Variants in ZNF43 observed in about 807,000 individuals in gnomAD.
ZNF43 encodes zinc finger protein 39-like 1 (KOX 27).
Under a neutral mutation model 68.4 loss-of-function variants are expected in ZNF43, and 44 were observed. The ratio of observed to expected loss-of-function variants is 0.64; its 90% CI spans 0.51 to 0.83. The LOEUF is 0.83. Among genes scored for constraint, ZNF43 ranks in the 40% least tolerant of loss-of-function variants. ZNF43 has a pLI of 0.00. For synonymous variants in ZNF43, 308 were observed against 307.8 expected (o/e 1.00, Z -0.01); for missense variants, 896 against 933.2 (o/e 0.96, Z 0.52).
At chr19:21,836,593 T>C (rs1205148612), upstream of ZNF43, among the ~76,000 whole-genome samples, 2 of 151,936 alleles carry the variant, frequency 1.3e-5, no homozygotes, top group Non-Finnish European at 2.9e-5. Flanking sequence ...CTCTGTGGGG[T>C]TTTTCTTATT....
chr19:21,807,994 T>G lies in ZNF43; in HGVS notation c.2043A>C (p.Glu681Asp). 1 of 1,612,954 alleles carries G rather than the reference T, an allele frequency of 6.2e-7. No homozygotes were observed. The highest frequency in any genetic ancestry group is 8.5e-7 in the Non-Finnish European group (1 of 1,179,916). Residue 681 changes from glutamate to aspartate, a missense_variant, in exon 4 of 4, where the codon GAA (glutamate) becomes GAC (aspartate). By Grantham distance (45) the Glu-to-Asp change is conservative (BLOSUM62 2). Coordinates refer to ENST00000354959, the MANE Select transcript of ZNF43 (RefSeq NM_003423.4). ...IHTGEKPYKC[E>D]ECGKAFKLSS... is the part of the protein sequence containing the mutation. ...ACAGTTTAAAAGCTTTGCCACATTC[T>G]TCACATTTGTAGGGTTTCTCTCCAG...
rs548986565 is a variant in ZNF43 at position 21,821,236 on chromosome 19, C to G, written c.4-2015G>C. ...TCTCCGCTCACTGCAAGCTCCTCCT[C>G]CTGGGTTCATGTCATTCTCCCGCCT... On this transcript the variant is annotated intron_variant, in intron 1 of 3. Transcript: ENST00000354959. Among the ~76,000 whole-genome samples the G allele has an allele frequency of 3.3e-3, 505 of 151,458 alleles. 2 individuals are homozygous for G. The highest frequency in any genetic ancestry group is 0.012 in the African/African-American group (483 of 41,226).
intron 1 of ZNF43, among the ~76,000 whole-genome samples, chr19:21,833,801 G>C (rs2038545060): frequency 6.6e-6 from 1 of 152,028 alleles, no homozygotes; most frequent in Non-Finnish European, 1.5e-5. Flanking sequence ...GCCGAGGCAG[G>C]TGGATCTCCT....
intron 1 of ZNF43, among the ~76,000 whole-genome samples, chr19:21,835,355 GTTTTTTT>G (rs554756455): frequency 8.4e-6 from 1 of 119,626 alleles, no homozygotes; most frequent in Non-Finnish European, 1.7e-5. Context: ...ATCTAGTTTA[GTTTTTTT>G]TTTTTTTTTT....
At position 21,817,875 on chromosome 19, in the gene ZNF43, C is replaced by G. The variant is rs183009881; in HGVS notation, c.229+13G>C. 1 of 1,609,556 alleles carries G rather than the reference C, an allele frequency of 6.2e-7. No individual in the cohort carries two copies. The highest frequency in any genetic ancestry group is 8.5e-7 in the Non-Finnish European group (1 of 1,176,394). Reference sequence around the variant, plus strand: ...CATCTGTGTTTGTTGTATTCACTTTCACTCTCACCTACCTGGGGGTTTGGC... The same window carrying G: ...CATCTGTGTTTGTTGTATTCACTTTGACTCTCACCTACCTGGGGGTTTGGC... On this transcript the variant is annotated intron_variant, in intron 3 of 3. Transcript: ENST00000354959.
chr19:21,828,314 T>A (rs1280981456), intron 1 of ZNF43, among the ~76,000 whole-genome samples: 1 of 152,220 alleles, frequency 6.6e-6, no homozygotes, highest in Non-Finnish European at 1.5e-5. Flanking sequence ...GCATGGTGAT[T>A]CATGCCTGTA....
At chr19:21,832,143 G>A (rs1463125968) in intron 1 of ZNF43, among the ~76,000 whole-genome samples, 1 of 152,098 alleles carries the variant, frequency 6.6e-6, no homozygotes, top group Non-Finnish European at 1.5e-5. Context: ...ATACCACAGG[G>A]CTACAGTAAC....
chr19:21,847,862 C>T (rs2145426059), intron 1 of ZNF43, among the ~76,000 whole-genome samples: 1 of 152,276 alleles, frequency 6.6e-6, no homozygotes, highest in South Asian at 2.1e-4. Context: ...GAGACAGAGT[C>T]TCGCTCTGTC....
At chr19:21,834,421 TA>T (rs1242611172) in intron 1 of ZNF43, among the ~76,000 whole-genome samples, 1 of 151,972 alleles carries the variant, frequency 6.6e-6, no homozygotes, top group Non-Finnish European at 1.5e-5. Flanking sequence ...GTAAGGGGAT[TA>T]TTTTTTGCTT....
At chr19:21,845,044 G>C (rs1483981500) in intron 1 of ZNF43, among the ~76,000 whole-genome samples, 1 of 150,022 alleles carries the variant, frequency 6.7e-6, no homozygotes, top group Non-Finnish European at 1.5e-5. Flanking sequence ...TTTTTTGAGT[G>C]CAAGGACGAG....
intron 1 of ZNF43, among the ~76,000 whole-genome samples, chr19:21,828,294 T>C (rs1229304057): frequency 1.3e-5 from 2 of 152,206 alleles, no homozygotes; most frequent in East Asian, 3.9e-4. Context: ...AAAATAACTA[T>C]TTAGGCTAGG....
In ZNF43 at chr19:21,809,276, CTAGTA is replaced by C. The variant is rs756352063; in HGVS notation, c.756_760del (p.Tyr252Ter). 9.9e-6 allele frequency: 16 copies of C among 1,612,858 alleles called. No individual in the cohort carries two copies. The Admixed American group carries it at 1.0e-4, about 10-fold the overall frequency. ...TTCTTCACATTTGTAGAGTTTGTAT[CTAGTA>C]TAATTTTTTTTATGTGTAGTAAGGC... On this transcript the variant is annotated stop_gained and frameshift_variant, in exon 4 of 4. Coordinates refer to ENST00000354959, the MANE Select transcript of ZNF43 (RefSeq NM_003423.4). LOFTEE classifies it high-confidence loss of function.
chr19:21,827,497 G>T (rs1407460129), intron 1 of ZNF43, among the ~76,000 whole-genome samples: 1 of 151,628 alleles, frequency 6.6e-6, no homozygotes, highest in South Asian at 2.1e-4. Flanking sequence ...AAGTAGCTGG[G>T]ATTACAGGCA....
chr19:21,814,358 AAC>A (rs1055624473), intron 3 of ZNF43, among the ~76,000 whole-genome samples: 2 of 151,946 alleles, frequency 1.3e-5, no homozygotes, highest in East Asian at 3.9e-4. Flanking sequence ...TATATTTATA[AAC>A]ACACACACAC....
rs2037781801 is a variant in ZNF43, at chr19:21,820,693, G to A, written c.4-1472C>T. On this transcript the variant is annotated intron_variant, in intron 1 of 3. Transcript: ENST00000354959. ...AATGTACTAGAACAAATTTTAAGATGTGCTGATGCACGCAAAAAGACACAG... is the reference window on the plus strand; with the variant it reads ...AATGTACTAGAACAAATTTTAAGATATGCTGATGCACGCAAAAAGACACAG... Among the ~76,000 whole-genome samples, 4 of 152,136 alleles carry A rather than the reference G, an allele frequency of 2.6e-5. No homozygotes were observed. In the South Asian group the frequency reaches 8.3e-4, roughly 31 times the overall value.
chr19:21,835,800 T>C lies in ZNF43; in HGVS notation c.3+236A>G, dbSNP rs532321040. Among the ~76,000 whole-genome samples, 664 of 152,342 alleles carry C rather than the reference T, an allele frequency of 4.4e-3. 6 individuals carry two copies. Among genetic ancestry groups the C allele is most frequent in the African/African-American group, 0.014 (584 of 41,588 alleles). ...TGCACAATTTGGGAGAGACGCCGCG[T>C]TGCGGCTGCAGAGCTGCCCACAGAG... is the stretch of plus-strand genomic sequence containing the variant. On this transcript the variant is annotated intron_variant, in intron 1 of 3. Transcript: ENST00000354959.
In ZNF43 at chr19:21,824,571, G is replaced by T. The variant is rs145622993; in HGVS notation, c.4-5350C>A. Among the ~76,000 whole-genome samples, 657 of 152,090 alleles carry T rather than the reference G, an allele frequency of 4.3e-3. 4 individuals carry two copies. Among genetic ancestry groups the T allele is most frequent in the African/African-American group, 0.015 (625 of 41,500 alleles). ...CTGTACATTCTCAATCCAAAACCTGGCCCTGTCTTGTGAATCCCAGGCAGA... is the reference window on the plus strand; with the variant it reads ...CTGTACATTCTCAATCCAAAACCTGTCCCTGTCTTGTGAATCCCAGGCAGA... On this transcript the variant is annotated intron_variant, in intron 1 of 3. Coordinates refer to ENST00000354959, the MANE Select transcript of ZNF43 (RefSeq NM_003423.4).
upstream of ZNF43, among the ~76,000 whole-genome samples, chr19:21,837,632 T>G (rs754432066): frequency 6.6e-6 from 1 of 151,952 alleles, no homozygotes; most frequent in Non-Finnish European, 1.5e-5. Context: ...TACTCGATAA[T>G]TAAAAATTAT....
intron 1 of ZNF43, among the ~76,000 whole-genome samples, chr19:21,831,983 T>C (rs1015464987): frequency 6.6e-6 from 1 of 152,230 alleles, no homozygotes; most frequent in Non-Finnish European, 1.5e-5. Flanking sequence ...GACTTAATTC[T>C]GTTTCTGCCA....
Sources: gnomAD v4.1 joint callset for allele counts (sites outside exome capture counted in the v4.1 genomes callset) on GRCh38, gnomAD v4.1.1 for gene constraint, MANE v1.5 for transcripts, NCBI Gene and HGNC (gene_info 2026-07-23, HGNC 2026-07-21) for gene names.